DDX3X: variants seen among roughly 807,000 people sequenced by gnomAD.
The protein encoded by DDX3X is ATP-dependent RNA helicase DDX3X.
Under a neutral mutation model 52.7 loss-of-function variants are expected in DDX3X, and 4 were observed. The ratio of observed to expected loss-of-function variants is 0.08; its 90% CI spans 0.04 to 0.17. The LOEUF (loss-of-function observed/expected upper bound fraction) is 0.17, where lower values mean the gene tolerates loss of function less well. Ranked by LOEUF, DDX3X falls within the 10% of genes least tolerant of loss-of-function variation. The pLI, the probability that DDX3X is intolerant of heterozygous loss-of-function variation, is 1.00. For synonymous variants in DDX3X, 192 were observed against 178.1 expected (o/e 1.08, Z -0.62); for missense variants, 222 against 548.6 (o/e 0.40, Z 5.95).
chrX:41,347,876 A>T lies in DDX3X; in HGVS notation c.*157A>T. The T allele has an allele frequency of 2.3e-6, 1 of 431,043 alleles. No homozygotes were observed. The allele number at this position is 431,043 out of a possible 1,213,427, so 35.5% of individuals were successfully genotyped here. ...TTTTTTAAGGGAGCTCAAGGTCACA[A>T]GAAGAAATGAAAGGAACAATCAGCA... On this transcript the variant is annotated 3_prime_UTR_variant, in exon 17 of 17. Transcript: ENST00000644876.
intron 10 of DDX3X, 43 bp downstream of exon 10, chrX:41,344,442 T>A (rs2063895192): frequency 8.3e-7 from 1 of 1,198,081 alleles, no homozygotes; most frequent in South Asian, 1.8e-5. Context: ...TGTTTTGTTT[T>A]GTTCTTTTGT....
chrX:41,335,435 C>G (rs891399628), intron 1 of DDX3X: 2 of 110,695 alleles, frequency 1.8e-5, no homozygotes, highest in Admixed American at 9.6e-5. Context: ...AGAATCCCCT[C>G]TTCTAAGGGT....
chrX:41,360,844 C>G (rs1424954587), intron 5 of DDX3X, among the ~76,000 whole-genome samples: 1 of 109,589 alleles, frequency 9.1e-6, no homozygotes, highest in East Asian at 2.9e-4. Context: ...TTCCCACTCT[C>G]CTGGCTCACT....
At chrX:41,351,090 C>G (rs2063982093), downstream of DDX3X, 1 of 111,217 alleles carries the variant, frequency 9.0e-6, no homozygotes, top group Admixed American at 9.6e-5. Flanking sequence ...TCGATTTAGT[C>G]AAAATAAGCA....
chrX:41,342,976 G>T, intron 6 of DDX3X, 140 bp downstream of exon 6: 1 of 584,878 alleles, frequency 1.7e-6, no homozygotes, highest in East Asian at 3.6e-5. Flanking sequence ...TGAGTTCAGT[G>T]TCACCATTAT....
Position 41,344,037 on chromosome X carries a change from G to T in DDX3X, c.773G>T (p.Gly258Val), listed in dbSNP as rs760617639. ...GEALRAMKEN[G>V]RYGRRKQYPI... The stretch of plus-strand genomic sequence containing the variant: ...AATTAACTTATTTCTTAGGAAAATG[G>T]AAGGTATGGGCGCCGCAAACAATAC... The change falls in exon 9 of 17, where the codon GGA (glycine) becomes GTA (valine). Residue 258 changes from glycine to valine, a missense_variant. This residue lies in a region of DDX3X where 73 missense variants were observed against 301.4 expected (regional missense o/e 0.24). Coordinates refer to ENST00000644876, the MANE Select transcript of DDX3X (RefSeq NM_001356.5). 5.0e-6 allele frequency: 6 copies of T among 1,199,602 alleles called. No individual in the cohort carries two copies. The highest frequency in any genetic ancestry group is 6.7e-6 in the Non-Finnish European group (6 of 890,808).
At chrX:41,351,697 T>G (rs757666881), downstream of DDX3X, 2 of 111,949 alleles carry the variant, frequency 1.8e-5, no homozygotes, top group South Asian at 7.4e-4. Context: ...CTCATTTCAG[T>G]TTATGATCTA....
intron 1 of DDX3X, 177 bp downstream of exon 1, chrX:41,334,474 C>A (rs1244640192): frequency 9.1e-7 from 1 of 1,099,998 alleles, no homozygotes; most frequent in Non-Finnish European, 1.2e-6. Context: ...GGGGCTGTCG[C>A]CCGGGCCCGG....
intron 5 of DDX3X, chrX:41,364,135 G>A: frequency 3.5e-6 from 1 of 289,461 alleles, no homozygotes; most frequent in East Asian, 4.9e-5. Flanking sequence ...TGTACTCCAG[G>A]AGAGACTTGC....
intron 3 of DDX3X, 68 bp downstream of exon 3, chrX:41,339,151 A>G: frequency 1.7e-6 from 1 of 605,177 alleles, no homozygotes. Flanking sequence ...AAGCCTAAGG[A>G]AAACCAGGCA....
chrX:41,345,527 C>G lies in DDX3X; in HGVS notation c.1294C>G (p.Leu432Val). Residue 432 changes from leucine (L) to valine (V), a missense_variant, in exon 12 of 17, where the codon CTT becomes GTT. Physicochemically the swap from Leu to Val is conservative, Grantham distance 32. Coordinates refer to ENST00000644876, the MANE Select transcript of DDX3X (RefSeq NM_001356.5). ...AGAATCAGACAAACGGTCATTTCTGCTTGACCTCCTAAATGCAACAGGTAA... is the reference window on the plus strand; with the variant it reads ...AGAATCAGACAAACGGTCATTTCTGGTTGACCTCCTAAATGCAACAGGTAA... ...VEESDKRSFLLDLLNATGKDS... is the reference protein window; with the variant it reads ...VEESDKRSFLVDLLNATGKDS... 8.3e-7 allele frequency: 1 copy of G among 1,202,540 alleles called. No homozygotes were observed. The highest frequency in any genetic ancestry group is 2.3e-5 in the Admixed American group (1 of 43,945).
At position 41,347,774 on chromosome X, in the gene DDX3X, A is replaced by T. The variant is rs754064835; in HGVS notation, c.*55A>T. 2.6e-5 allele frequency: 21 copies of T among 812,825 alleles called. No individual in the cohort carries two copies. Among genetic ancestry groups the T allele is most frequent in the Non-Finnish European group, 3.8e-5 (21 of 554,196 alleles). 67.0% of individuals were successfully genotyped at this position (812,825 alleles called of 1,213,427 possible). On this transcript the variant is annotated 3_prime_UTR_variant, in exon 17 of 17. Coordinates refer to ENST00000644876, the MANE Select transcript of DDX3X (RefSeq NM_001356.5). Reference sequence around the variant, plus strand: ...ACAAGCTAATATGGAAACCACATGTAACTTAGCCAGACTATACCTTGTGTA... The same window carrying T: ...ACAAGCTAATATGGAAACCACATGTTACTTAGCCAGACTATACCTTGTGTA...
intron 6 of DDX3X, 169 bp downstream of exon 6, chrX:41,343,005 A>G: frequency 3.5e-6 from 2 of 576,781 alleles, no homozygotes; most frequent in South Asian, 6.4e-5. Context: ...TATTACCTAA[A>G]ATAGAAAATG....
chrX:41,345,100 A>G (rs1182318333), intron 10 of DDX3X, 80 bp from the exon 11 acceptor site: 3 of 957,507 alleles, frequency 3.1e-6, no homozygotes, highest in Non-Finnish European at 3.0e-6. Flanking sequence ...ATTTGTAATT[A>G]TACTAACAGC....
chrX:41,349,904 T>C lies in DDX3X; in HGVS notation c.*2185T>C, dbSNP rs2063968807. Reference sequence around the variant, plus strand: ...GTGGATTTTGTTTAGTTGTGTGTTTTTTTTTTTTTTTCAGTGAATGTCTGG... The same window carrying C: ...GTGGATTTTGTTTAGTTGTGTGTTTCTTTTTTTTTTTCAGTGAATGTCTGG... On this transcript the variant is annotated 3_prime_UTR_variant, in exon 17 of 17. Transcript: ENST00000644876. The C allele has an allele frequency of 9.1e-6, 1 of 109,987 alleles. No homozygotes were observed. The highest frequency in any genetic ancestry group is 1.9e-5 in the Non-Finnish European group (1 of 52,581). 9.1% of individuals were successfully genotyped at this position (109,987 alleles called of 1,213,427 possible).
chrX:41,342,203 G>A (rs1183004338), intron 4 of DDX3X: 4 of 250,663 alleles, frequency 1.6e-5, no homozygotes, highest in African/African-American at 8.4e-5. Flanking sequence ...TTAAATGAAG[G>A]TTGTGAGCTG....
chrX:41,334,558 G>C, intron 1 of DDX3X: 1 of 1,094,174 alleles, frequency 9.1e-7, no homozygotes, highest in South Asian at 2.2e-5. Flanking sequence ...GCGGGCGGAG[G>C]GGGAGGAAGT....
chrX:41,339,200 TTC>T (rs1193730126), intron 3 of DDX3X, 117 bp downstream of exon 3: 13 of 316,471 alleles, frequency 4.1e-5, no homozygotes, highest in Non-Finnish European at 6.8e-5. Flanking sequence ...TTTTCTATGC[TTC>T]TGTCAGCCTT....
chrX:41,360,163 AG>A (rs1271750317), intron 5 of DDX3X, among the ~76,000 whole-genome samples: 3 of 108,498 alleles, frequency 2.8e-5, no homozygotes, highest in Non-Finnish European at 5.7e-5. Context: ...GGATCACCTG[AG>A]GTCAGGAGTT....
Sources: allele counts gnomAD v4.1 joint callset (sites outside exome capture counted in the v4.1 genomes callset), GRCh38; gene constraint gnomAD v4.1.1; regional missense constraint gnomAD v4.1.1; transcripts MANE v1.5; gene names NCBI Gene and HGNC (gene_info 2026-07-23, HGNC 2026-07-21).